PLXNA1: variants seen among roughly 807,000 people sequenced by gnomAD.
The protein encoded by PLXNA1 is plexin-A1.
Under a neutral mutation model 191.7 loss-of-function variants are expected in PLXNA1, and 77 were observed. That is an observed-to-expected ratio of 0.40 (90% confidence interval 0.33 to 0.49). PLXNA1 has a LOEUF of 0.49. PLXNA1 is among the 20% of genes least tolerant of loss of function. The pLI, the probability that PLXNA1 is intolerant of heterozygous loss-of-function variation, is 0.63. For synonymous variants in PLXNA1, 1,137 were observed against 1,156.4 expected, an observed-to-expected ratio of 0.98 and a Z score of 0.34; for missense variants, 2,110 against 2,660.2, an observed-to-expected ratio of 0.79 and a Z score of 4.55.
In PLXNA1 at chr3:127,030,099, T is replaced by TAC. The variant is rs748646780; in HGVS notation, c.5061+35_5061+36insAC. On this transcript the variant is annotated intron_variant, in intron 28 of 31. Coordinates refer to ENST00000393409, the MANE Select transcript of PLXNA1 (RefSeq NM_032242.4). ...GCTGGCAGATGGGGGCAGGGGACGC[T>TAC]GGGCCAACTGAGCTCAGAGAAAGTG... 9 of 1,603,510 alleles carry TAC rather than the reference T, an allele frequency of 5.6e-6. No homozygotes were observed. The Admixed American group carries it at 1.3e-4, about 24-fold the overall frequency.
At chr3:127,030,851 G>A (rs1301519733) in intron 29 of PLXNA1, among the ~76,000 whole-genome samples, 1 of 152,208 alleles carries the variant, frequency 6.6e-6, no homozygotes, top group African/African-American at 2.4e-5. Flanking sequence ...GGCCAGGCCA[G>A]AGCCTGCTTA....
At position 126,989,439 on chromosome 3, in the gene PLXNA1, C is replaced by G; in HGVS notation, c.846C>G (p.Ile282Met). 1 of 1,613,608 alleles carries G rather than the reference C, an allele frequency of 6.2e-7. No homozygotes were observed. Among genetic ancestry groups the G allele is most frequent in the Admixed American group, 1.7e-5 (1 of 60,026 alleles). The change falls in exon 2 of 32, where the codon ATC (isoleucine) becomes ATG (methionine). Residue 282 changes from isoleucine to methionine, a missense_variant. Ile to Met is a conservative substitution (Grantham distance 10). Around this residue, in one of 4 missense-constraint regions of PLXNA1, gnomAD observed 903 missense variants for 1,015.7 expected, o/e 0.89. Coordinates refer to ENST00000393409, the MANE Select transcript of PLXNA1 (RefSeq NM_032242.4). ...GCGAGCACTTCTTCACGTCCAAGATCGTGCGGCTCTGTGTGGACGACCCCA... is the reference window on the plus strand; with the variant it reads ...GCGAGCACTTCTTCACGTCCAAGATGGTGCGGCTCTGTGTGGACGACCCCA... The part of the protein sequence containing the change: ...AAGEHFFTSK[I>M]VRLCVDDPKF...
chr3:127,018,970 G>A (rs1034172372), intron 20 of PLXNA1, among the ~76,000 whole-genome samples: 4 of 152,210 alleles, frequency 2.6e-5, no homozygotes, highest in Non-Finnish European at 4.4e-5. Flanking sequence ...GAGCCCTTGC[G>A]CTTTGGCAGT....
intron 5 of PLXNA1, 57 bp downstream of exon 5, chr3:127,004,768 G>A: frequency 1.3e-6 from 2 of 1,587,610 alleles, no homozygotes; most frequent in Non-Finnish European, 8.6e-7. Context: ...GTCTCACAGT[G>A]GGGGAGGGGG....
In PLXNA1 at chr3:127,009,545, G is replaced by A. The variant is rs1303529737; in HGVS notation, c.2112+1632G>A. 5.3e-5 allele frequency among the ~76,000 whole-genome samples: 8 copies of A among 151,556 alleles called. No individual in the cohort carries two copies. In the Admixed American group the frequency reaches 5.3e-4, roughly 10 times the overall value. On this transcript the variant is annotated intron_variant, in intron 9 of 31. Transcript: ENST00000393409. The stretch of plus-strand genomic sequence containing the variant: ...CGGGACTCAGGGAACAATGGCCAGT[G>A]GCAGTCCCCCCCCAACCCCCCCACA...
chr3:126,995,402 AG>A (rs1157204574), intron 3 of PLXNA1, among the ~76,000 whole-genome samples: 1 of 152,042 alleles, frequency 6.6e-6, no homozygotes, highest in East Asian at 1.9e-4. Context: ...CCCCCATGGG[AG>A]GGGAGAGCAC....
intron 1 of PLXNA1, among the ~76,000 whole-genome samples, chr3:126,983,501 G>T (rs2078941354): frequency 6.8e-6 from 1 of 146,258 alleles, no homozygotes; most frequent in Admixed American, 6.8e-5. Context: ...CTGCGGCTCC[G>T]GCCCAGGCGT....
chr3:127,026,202 G>A (rs993331965), intron 23 of PLXNA1, among the ~76,000 whole-genome samples: 1 of 152,216 alleles, frequency 6.6e-6, no homozygotes, highest in African/African-American at 2.4e-5. Context: ...CTGAGCTCTT[G>A]GAACCTCCTT....
At chr3:126,996,240 C>T (rs1460964611) in intron 3 of PLXNA1, among the ~76,000 whole-genome samples, 2 of 152,126 alleles carry the variant, frequency 1.3e-5, no homozygotes, top group African/African-American at 2.4e-5. Context: ...AGGTGTCCTC[C>T]GCCCGGCCAT....
rs114121265 is a variant in PLXNA1 at position 127,027,671 on chromosome 3, C to T, written c.4363-269C>T. The T allele has an allele frequency of 2.6e-3, 1,602 of 612,480 alleles. 12 individuals are homozygous for T. Among genetic ancestry groups the T allele is most frequent in the African/African-American group, 0.013 (706 of 55,308 alleles). 37.9% of individuals were successfully genotyped at this position (612,480 alleles called of 1,614,324 possible). A position where few individuals can be genotyped will look rare whatever the true frequency, so the allele number is the denominator to read the frequency against. On this transcript the variant is annotated intron_variant, in intron 23 of 31. Transcript: ENST00000393409. The stretch of plus-strand genomic sequence containing the variant: ...CAGGTCCCGCGTGCCACGCCATGTT[C>T]CTCGATACACTACTGCGCCTCCTGG...
At chr3:127,023,791 A>G (rs1243283535) in intron 23 of PLXNA1, among the ~76,000 whole-genome samples, 1 of 151,982 alleles carries the variant, frequency 6.6e-6, no homozygotes. Context: ...CAGACAGGCA[A>G]TGGGGCAGGG....
At chr3:127,011,923 G>GC (rs747538561) in intron 9 of PLXNA1, 35 bp from the exon 10 acceptor site, 1 of 1,593,888 alleles carries the variant, frequency 6.3e-7, no homozygotes, top group South Asian at 1.1e-5. Context: ...ACTGGTCTCC[G>GC]CCCCCGGGCT....
chr3:126,987,951 G>T (rs1449556659), intron 1 of PLXNA1, among the ~76,000 whole-genome samples: 1 of 152,140 alleles, frequency 6.6e-6, no homozygotes, highest in African/African-American at 2.4e-5. Context: ...GTCCTCCGTG[G>T]TGCCTCTGCT....
intron 3 of PLXNA1, among the ~76,000 whole-genome samples, chr3:126,993,405 TG>T (rs1246348356): frequency 6.6e-6 from 1 of 152,236 alleles, no homozygotes; most frequent in African/African-American, 2.4e-5. Context: ...CTCTGCTCCC[TG>T]GGCCAGGTGC....
Position 127,014,563 on chromosome 3 carries a change from G to T in PLXNA1, c.2690G>T (p.Arg897Leu), listed in dbSNP as rs138276286. The change falls in exon 13 of 32, where the codon CGT becomes CTT. Residue 897 changes from arginine (R) to leucine (L), a missense_variant. Arg to Leu is a moderately radical substitution (Grantham distance 102). Around this residue, in one of 4 missense-constraint regions of PLXNA1, gnomAD observed 644 missense variants for 714.3 expected, o/e 0.90. Transcript: ENST00000393409. ...CTGGGCCTGCGATTCGAAGACGTGC[G>T]TCTGGGCGTGCGCGTGGGCAAGGTG... ...ENLGLRFEDV[R>L]LGVRVGKVLC... The T allele has an allele frequency of 6.2e-7, 1 of 1,612,706 alleles. No individual in the cohort carries two copies. Among genetic ancestry groups the T allele is most frequent in the South Asian group, 1.1e-5 (1 of 91,086 alleles).
rs2079242256 is a variant in PLXNA1, at chr3:127,036,240, G to A, written c.*2223G>A. On this transcript the variant is annotated 3_prime_UTR_variant, in exon 32 of 32. Transcript: ENST00000393409. The stretch of plus-strand genomic sequence containing the variant: ...TCCAGTTCCTCACGGGTTAGGTAGG[G>A]GCTCCTGCATCACCTTCAGAATCCA... 2 of 152,788 alleles carry A rather than the reference G, an allele frequency of 1.3e-5. No individual in the cohort carries two copies. Among genetic ancestry groups the A allele is most frequent in the Non-Finnish European group, 2.9e-5 (2 of 68,114 alleles). 9.5% of individuals were successfully genotyped at this position (152,788 alleles called of 1,614,324 possible).
intron 27 of PLXNA1, 29 bp from the exon 28 acceptor site, chr3:127,029,845 A>C: frequency 6.4e-7 from 1 of 1,565,936 alleles, no homozygotes; most frequent in South Asian, 1.1e-5. Flanking sequence ...GTGCCAGCCA[A>C]CGCGGGCGCT....
Position 126,996,508 on chromosome 3 carries a change from C to T in PLXNA1, c.1377+4942C>T, listed in dbSNP as rs542960331. The stretch of plus-strand genomic sequence containing the variant: ...CCACTGTGGGGTTGGCAGCTTGAGC[C>T]TCTTCAGGTCTGTAGTGAGCCTCCC... On this transcript the variant is annotated intron_variant, in intron 3 of 31. Transcript: ENST00000393409. Among the ~76,000 whole-genome samples, 4 of 152,312 alleles carry T rather than the reference C, an allele frequency of 2.6e-5. No individual in the cohort carries two copies. The South Asian group carries it at 8.3e-4, about 32-fold the overall frequency.
At chr3:127,016,899 G>T (rs373701472) in intron 16 of PLXNA1, 45 bp from the exon 17 acceptor site, 83 of 1,524,364 alleles carry the variant, frequency 5.4e-5, no homozygotes, top group Non-Finnish European at 7.3e-5. Context: ...AGCTCACTGG[G>T]CCCCAGCATC....
Sources: gnomAD v4.1 joint callset for allele counts (sites outside exome capture counted in the v4.1 genomes callset) on GRCh38, gnomAD v4.1.1 for gene constraint, gnomAD v4.1.1 regional missense constraint, MANE v1.5 for transcripts, NCBI Gene and HGNC (gene_info 2026-07-23, HGNC 2026-07-21) for gene names.